The following TRAP1 variants were observed in gnomAD, a reference collection of about 807,000 sequenced individuals.
TRAP1 encodes the protein heat shock protein 75 kDa, mitochondrial.
In TRAP1, 102 loss-of-function variants were observed where a neutral mutation model predicts 89.1. The ratio of observed to expected loss-of-function variants is 1.15; its 90% CI spans 0.98 to 1.35. The LOEUF is 1.35. Among genes scored for constraint, TRAP1 ranks in the 40% most tolerant of loss-of-function variants. The pLI, the probability that TRAP1 is intolerant of heterozygous loss-of-function variation, is 0.00. For synonymous variants in TRAP1, 508 were observed against 388.0 expected, an observed-to-expected ratio of 1.31 and a Z score of -3.64; for missense variants, 1,256 against 945.3, an observed-to-expected ratio of 1.33 and a Z score of -4.31.
intron 9 of TRAP1, 133 bp downstream of exon 9, chr16:3,674,206 C>A: frequency 1.6e-6 from 2 of 1,262,192 alleles, no homozygotes; most frequent in Non-Finnish European, 1.1e-6. Context: ...CAGGCGTGAG[C>A]CACCACACCC....
intron 1 of TRAP1, among the ~76,000 whole-genome samples, chr16:3,704,983 C>T (rs2051420690): frequency 6.6e-6 from 1 of 152,028 alleles, no homozygotes; most frequent in South Asian, 2.1e-4. Context: ...AGATGTAACA[C>T]ATCTGCCATA....
In TRAP1 at chr16:3,676,081, G is replaced by T; in HGVS notation, c.769C>A (p.Leu257Met). Reference protein sequence around the residue: ...VRTGTKIIIHLKSDCKEFSSE... With the variant: ...VRTGTKIIIHMKSDCKEFSSE... ...GAAAACTCCTTGCAGTCGGATTTCA[G>T]GTGGATGATGATTTTTGTCCCGGTT... The change falls in exon 7 of 18, where the codon CTG becomes ATG. Residue 257 changes from leucine (L) to methionine (M), a missense_variant. By Grantham distance (15) the Leu-to-Met change is conservative. Coordinates refer to ENST00000246957, the MANE Select transcript of TRAP1 (RefSeq NM_016292.3). 1 of 1,613,976 alleles carries T rather than the reference G, an allele frequency of 6.2e-7. No homozygotes were observed. Among genetic ancestry groups the T allele is most frequent in the Non-Finnish European group, 8.5e-7 (1 of 1,179,946 alleles).
At chr16:3,696,869 G>A (rs769514434) in intron 1 of TRAP1, among the ~76,000 whole-genome samples, 1 of 152,020 alleles carries the variant, frequency 6.6e-6, no homozygotes, top group Non-Finnish European at 1.5e-5. Flanking sequence ...TGAGACTACA[G>A]GCTCATGCCA....
At chr16:3,695,801 C>T (rs950665362) in intron 1 of TRAP1, among the ~76,000 whole-genome samples, 21 of 152,074 alleles carry the variant, frequency 1.4e-4, no homozygotes, top group East Asian at 1.9e-4. Context: ...GGTCTGAGCC[C>T]GATTTACGCA....
intron 1 of TRAP1, among the ~76,000 whole-genome samples, chr16:3,713,271 G>A (rs1223300816): frequency 6.6e-6 from 1 of 152,196 alleles, no homozygotes; most frequent in Non-Finnish European, 1.5e-5. Flanking sequence ...GGAGAGCAGA[G>A]GGAGGAGGCA....
chr16:3,709,896 C>A (rs1596757846), intron 1 of TRAP1, among the ~76,000 whole-genome samples: 2 of 152,276 alleles, frequency 1.3e-5, no homozygotes, highest in East Asian at 3.9e-4. Context: ...GTGATCCACC[C>A]GCCTCAGCCT....
intron 1 of TRAP1, among the ~76,000 whole-genome samples, chr16:3,713,388 G>C (rs1384227851): frequency 2.0e-5 from 3 of 152,164 alleles, no homozygotes; most frequent in Admixed American, 2.0e-4. Context: ...AAACAAACTA[G>C]CTAGTACTTG....
intron 1 of TRAP1, among the ~76,000 whole-genome samples, chr16:3,699,674 T>C (rs2051339286): frequency 6.6e-6 from 1 of 151,938 alleles, no homozygotes; most frequent in South Asian, 2.1e-4. Context: ...TATTTACTAT[T>C]TCTTTCTTTC....
chr16:3,689,673 C>G (rs1302583614), intron 2 of TRAP1: 2 of 152,452 alleles, frequency 1.3e-5, no homozygotes, highest in Non-Finnish European at 2.9e-5. Flanking sequence ...CCCGCCATCT[C>G]TACAAAAAAT....
intron 1 of TRAP1, among the ~76,000 whole-genome samples, chr16:3,699,805 C>A (rs2051340823): frequency 6.6e-6 from 1 of 151,492 alleles, no homozygotes; most frequent in African/African-American, 2.4e-5. Flanking sequence ...ACAGCTGGGA[C>A]TGCAGGTAAG....
At chr16:3,667,736 T>C (rs2050855301) in intron 11 of TRAP1, among the ~76,000 whole-genome samples, 1 of 150,948 alleles carries the variant, frequency 6.6e-6, no homozygotes, top group Non-Finnish European at 1.5e-5. Context: ...AAATTATAAA[T>C]AGTATAAATA....
At chr16:3,703,329 G>T (rs920881188) in intron 1 of TRAP1, among the ~76,000 whole-genome samples, 3 of 151,568 alleles carry the variant, frequency 2.0e-5, no homozygotes, top group African/African-American at 7.3e-5. Flanking sequence ...ACAAGCGGAG[G>T]ACTAACAAGT....
At chr16:3,676,519 G>A in intron 6 of TRAP1, 1 of 168,686 alleles carries the variant, frequency 5.9e-6, no homozygotes, top group Non-Finnish European at 1.3e-5. Flanking sequence ...AGGCCAGGGG[G>A]ACAGGCGCCC....
At position 3,664,897 on chromosome 16, in the gene TRAP1, G is replaced by A. The variant is rs548571917; in HGVS notation, c.1384-438C>T. ...GACTGGCTTTGCCCAGTGGGTTTCA[G>A]TGGGATTTGGAGAAGGGCCCTTAGG... On this transcript the variant is annotated intron_variant, in intron 12 of 17. Coordinates refer to ENST00000246957, the MANE Select transcript of TRAP1 (RefSeq NM_016292.3). 4.6e-4 allele frequency: 76 copies of A among 163,488 alleles called. 1 individual carries two copies. The highest frequency in any genetic ancestry group is 9.4e-4 in the African/African-American group (39 of 41,686). 10.1% of individuals were successfully genotyped at this position (163,488 alleles called of 1,614,324 possible).
rs558935283 is a variant in TRAP1 at position 3,663,953 on chromosome 16, C to T, written c.1569+321G>A. 35 of 347,712 alleles carry T rather than the reference C, an allele frequency of 1.0e-4. No homozygotes were observed. In the East Asian group the frequency reaches 1.3e-3, roughly 13 times the overall value. 21.5% of individuals were successfully genotyped at this position (347,712 alleles called of 1,614,324 possible). A position where few individuals can be genotyped will look rare whatever the true frequency, so the allele number is the denominator to read the frequency against. On this transcript the variant is annotated intron_variant, in intron 13 of 17. Transcript: ENST00000246957. ...TGGTGTGCACCTGTAGTCCCAGCTACTCAGGAGGCTGAGGCAGGAGAATGA... is the reference window on the plus strand; with the variant it reads ...TGGTGTGCACCTGTAGTCCCAGCTATTCAGGAGGCTGAGGCAGGAGAATGA...
chr16:3,662,133 C>G lies in TRAP1; in HGVS notation c.1795-1G>C. 3.7e-6 allele frequency: 6 copies of G among 1,610,794 alleles called. No individual in the cohort carries two copies. The highest frequency in any genetic ancestry group is 5.1e-6 in the Non-Finnish European group (6 of 1,178,444). On this transcript the variant is annotated splice_acceptor_variant, in intron 15 of 17. Coordinates refer to ENST00000246957, the MANE Select transcript of TRAP1 (RefSeq NM_016292.3). LOFTEE classifies it high-confidence loss of function. ...GGTGGGTGTCCAGTCGGAGGGTCAC[C>G]TGTGAGCAAAGCCCGGGGTTGAGGG...
chr16:3,698,593 C>T (rs1366676921), intron 1 of TRAP1, among the ~76,000 whole-genome samples: 2 of 152,130 alleles, frequency 1.3e-5, no homozygotes, highest in East Asian at 2.0e-4. Context: ...TGAGCCACCG[C>T]GCCCGGCTTC....
intron 1 of TRAP1, among the ~76,000 whole-genome samples, 170 bp downstream of exon 1, chr16:3,717,251 G>A (rs1429313952): frequency 6.6e-6 from 1 of 152,246 alleles, no homozygotes; most frequent in African/African-American, 2.4e-5. Flanking sequence ...AGCCAAGCTG[G>A]AGCTGGCGAG....
chr16:3,674,668 T>C (rs1376956940), intron 8 of TRAP1, 174 bp from the exon 9 acceptor site: 8 of 738,198 alleles, frequency 1.1e-5, no homozygotes, highest in South Asian at 1.9e-5. Flanking sequence ...TGCCGGGTAG[T>C]GCAGGGGAGA....
Sources: gnomAD v4.1 joint callset for allele counts (sites outside exome capture counted in the v4.1 genomes callset) on GRCh38, gnomAD v4.1.1 for gene constraint, MANE v1.5 for transcripts, NCBI Gene and HGNC (gene_info 2026-07-23, HGNC 2026-07-21) for gene names.